The following LAMP3 variants were observed in gnomAD, a reference collection of about 807,000 sequenced individuals.
LAMP3 encodes lysosome-associated membrane glycoprotein 3.
LAMP3 carries 26 observed loss-of-function variants against 34.8 expected under a neutral mutation model. That is an observed-to-expected ratio of 0.75 (90% confidence interval 0.55 to 1.04). The LOEUF (loss-of-function observed/expected upper bound fraction) is 1.04. Ranked by LOEUF, LAMP3 falls within the 50% of genes least tolerant of loss-of-function variation. The probability of loss-of-function intolerance (pLI) is 0.00; values close to 1 mark genes in which losing one functional copy is unlikely to be tolerated. For synonymous variants in LAMP3, 180 were observed against 201.9 expected (o/e 0.89, Z 0.92); for missense variants, 495 against 524.0 (o/e 0.94, Z 0.54).
intron 3 of LAMP3, among the ~76,000 whole-genome samples, chr3:183,147,232 G>A (rs548345668): frequency 1.5e-4 from 19 of 127,544 alleles, no homozygotes; most frequent in African/African-American, 5.6e-4. Context: ...AACAGAGTGA[G>A]ACCCCGTCTA....
intron 4 of LAMP3, 137 bp from the exon 5 acceptor site, chr3:183,136,024 C>CCCATGAA: frequency 1.4e-6 from 1 of 715,892 alleles, no homozygotes; most frequent in Non-Finnish European, 2.4e-6. Flanking sequence ...CCACCTTCTC[C>CCCATGAA]CCATGAAAAA....
chr3:183,143,629 A>G (rs1720352772), intron 3 of LAMP3, among the ~76,000 whole-genome samples: 2 of 152,148 alleles, frequency 1.3e-5, no homozygotes, highest in African/African-American at 4.8e-5. Flanking sequence ...GCGTGGGGAT[A>G]TACCATCTTG....
At chr3:183,136,665 A>AC (rs938383867) in intron 4 of LAMP3, among the ~76,000 whole-genome samples, 1 of 146,066 alleles carries the variant, frequency 6.8e-6, no homozygotes, top group African/African-American at 2.6e-5. Context: ...AAAAAAAAAA[A>AC]AAAAACAACT....
Position 183,151,424 on chromosome 3 carries a change from C to CTTT in LAMP3, c.888+948_888+950dup, listed in dbSNP as rs1303908629. Among the ~76,000 whole-genome samples, 171 of 130,036 alleles carry CTTT rather than the reference C, an allele frequency of 1.3e-3. 1 individual carries two copies. Among genetic ancestry groups the CTTT allele is most frequent in the African/African-American group, 4.8e-3 (163 of 34,186 alleles). 85.3% of individuals were successfully genotyped at this position (130,036 alleles called of 152,430 possible). A position where few individuals can be genotyped will look rare whatever the true frequency, so the allele number is the denominator to read the frequency against. On this transcript the variant is annotated intron_variant, in intron 3 of 5. Coordinates refer to ENST00000265598, the MANE Select transcript of LAMP3 (RefSeq NM_014398.4). ...CCACTTCCCGTGTATGGGGCATGCT[C>CTTT]TTTTTTTTTTTTTTTTTTTTGAGAT...
At chr3:183,129,148 G>A (rs2108595237) in intron 5 of LAMP3, among the ~76,000 whole-genome samples, 1 of 152,196 alleles carries the variant, frequency 6.6e-6, no homozygotes, top group South Asian at 2.1e-4. Context: ...TTTAAATGTT[G>A]TCAAGAAATT....
chr3:183,130,672 A>G (rs925389449), intron 5 of LAMP3, among the ~76,000 whole-genome samples: 1 of 151,876 alleles, frequency 6.6e-6, no homozygotes, highest in Admixed American at 6.6e-5. Context: ...TTTGGATTCT[A>G]TTCTCTTTTT....
At chr3:183,147,006 G>A (rs1472690818) in intron 3 of LAMP3, among the ~76,000 whole-genome samples, 1 of 151,718 alleles carries the variant, frequency 6.6e-6, no homozygotes, top group East Asian at 2.0e-4. Context: ...CACTTTGGGA[G>A]GCCGAGGCAG....
chr3:183,135,772 T>C lies in LAMP3; in HGVS notation c.1062A>G (p.Lys354=). 2 of 1,614,192 alleles carry C rather than the reference T, an allele frequency of 1.2e-6. No homozygotes were observed. Among genetic ancestry groups the C allele is most frequent in the African/African-American group, 2.7e-5 (2 of 75,046 alleles). The change falls in exon 5 of 6, where the codon AAA becomes AAG. Residue 354 remains lysine, a synonymous_variant. Coordinates refer to ENST00000265598, the MANE Select transcript of LAMP3 (RefSeq NM_014398.4). ...AGGCTTGAAGTTGGACATCGGTTGT[T>C]TTCACCTGCAGGTGGGCTGACAACT... ...SLQLSAHLQV[K]TTDVQLQAFD...
intron 4 of LAMP3, 99 bp from the exon 5 acceptor site, chr3:183,135,986 C>T: frequency 1.1e-6 from 1 of 926,014 alleles, no homozygotes; most frequent in Non-Finnish European, 1.7e-6. Flanking sequence ...GGCCTTCCTT[C>T]CTTCCGAGGG....
At chr3:183,146,470 C>T (rs1052150036) in intron 3 of LAMP3, among the ~76,000 whole-genome samples, 6 of 151,842 alleles carry the variant, frequency 4.0e-5, no homozygotes, top group African/African-American at 1.5e-4. Flanking sequence ...TCAGAATCCA[C>T]AGGCCAAATC....
chr3:183,138,012 A>C (rs1196353276), intron 4 of LAMP3, among the ~76,000 whole-genome samples: 1 of 151,960 alleles, frequency 6.6e-6, no homozygotes, highest in Non-Finnish European at 1.5e-5. Flanking sequence ...TAGTAGAGAC[A>C]GGATTTTGCC....
At chr3:183,129,799 A>G (rs1719863852) in intron 5 of LAMP3, among the ~76,000 whole-genome samples, 1 of 152,114 alleles carries the variant, frequency 6.6e-6, no homozygotes, top group Non-Finnish European at 1.5e-5. Flanking sequence ...CCTGCCCCCA[A>G]ATTTACATGG....
intron 5 of LAMP3, among the ~76,000 whole-genome samples, chr3:183,129,527 A>T (rs1051868661): frequency 6.6e-6 from 1 of 152,104 alleles, no homozygotes; most frequent in African/African-American, 2.4e-5. Flanking sequence ...CTCTATGAAA[A>T]TAATATAATT....
intron 3 of LAMP3, among the ~76,000 whole-genome samples, chr3:183,142,369 A>G (rs1720310495): frequency 1.3e-5 from 2 of 152,104 alleles, no homozygotes; most frequent in South Asian, 4.2e-4. Flanking sequence ...GAGGTCAGCA[A>G]AGACTCCTCA....
chr3:183,124,350 G>T, intron 5 of LAMP3, 136 bp from the exon 6 acceptor site: 1 of 695,420 alleles, frequency 1.4e-6, no homozygotes, highest in Non-Finnish European at 2.2e-6. Flanking sequence ...CTAGCTTTGT[G>T]ACCTTGGGCA....
chr3:183,127,638 A>G (rs1719812885), intron 5 of LAMP3, among the ~76,000 whole-genome samples: 1 of 152,180 alleles, frequency 6.6e-6, no homozygotes, highest in African/African-American at 2.4e-5. Flanking sequence ...ATGTTTTAAA[A>G]ACTTTTAATT....
intron 3 of LAMP3, among the ~76,000 whole-genome samples, chr3:183,141,472 C>T (rs1007139944): frequency 6.6e-6 from 1 of 152,172 alleles, no homozygotes; most frequent in African/African-American, 2.4e-5. Context: ...ACAGTGTTCT[C>T]AGTTTTAAAC....
In LAMP3 at chr3:183,154,129, C is replaced by A. The variant is rs776333301; in HGVS notation, c.312G>T (p.Leu104=). The change falls in exon 2 of 6, where the codon CTG becomes CTT. Residue 104 remains leucine, a synonymous_variant. Coordinates refer to ENST00000265598, the MANE Select transcript of LAMP3 (RefSeq NM_014398.4). The part of the protein sequence containing the change: ...TATTSPITYT[L]VTTQATPNNS... Reference sequence around the variant, plus strand: ...TGTTGGGTGTGGCCTGGGTTGTGACCAGGGTGTAGGTAATTGGGCTGGTGG... The same window carrying A: ...TGTTGGGTGTGGCCTGGGTTGTGACAAGGGTGTAGGTAATTGGGCTGGTGG... 1.5e-4 allele frequency: 238 copies of A among 1,613,882 alleles called. No individual in the cohort carries two copies. Among genetic ancestry groups the A allele is most frequent in the Non-Finnish European group, 2.0e-4 (234 of 1,180,000 alleles).
chr3:183,142,481 T>C (rs1321972127), intron 3 of LAMP3, among the ~76,000 whole-genome samples: 3 of 152,104 alleles, frequency 2.0e-5, no homozygotes, highest in Admixed American at 2.0e-4. Context: ...GCCACGTGCA[T>C]GCTTTCACTG....
Sources: allele counts gnomAD v4.1 joint callset (sites outside exome capture counted in the v4.1 genomes callset), GRCh38; gene constraint gnomAD v4.1.1; transcripts MANE v1.5; gene names NCBI Gene and HGNC (gene_info 2026-07-23, HGNC 2026-07-21).